The following PDZD2 variants were observed in gnomAD, a reference collection of about 807,000 sequenced individuals.
PDZD2 encodes PDZ domain-containing protein 2.
PDZD2 carries 90 observed loss-of-function variants against 220.7 expected under a neutral mutation model. The ratio of observed to expected loss-of-function variants is 0.41; its 90% CI spans 0.34 to 0.49. The LOEUF (loss-of-function observed/expected upper bound fraction) is 0.49, where lower values mean the gene tolerates loss of function less well. Ranked by LOEUF, PDZD2 falls within the 20% of genes least tolerant of loss-of-function variation. The pLI is 0.28. For missense variants in PDZD2, 3,174 were observed against 3,608.5 expected (o/e 0.88, Z 3.08); for synonymous variants, 1,375 against 1,450.5 (o/e 0.95, Z 1.18).
intron 2 of PDZD2, among the ~76,000 whole-genome samples, chr5:31,949,208 A>G (rs1746954039): frequency 6.6e-6 from 1 of 151,830 alleles, no homozygotes; most frequent in African/African-American, 2.4e-5. Context: ...GAAGGAAGAT[A>G]GAGAATCTCA....
intron 2 of PDZD2, among the ~76,000 whole-genome samples, chr5:31,835,633 G>A (rs1054108058): frequency 1.4e-5 from 2 of 143,616 alleles, no homozygotes; most frequent in Non-Finnish European, 3.1e-5. Context: ...AAAAAAAAAT[G>A]TATCTTTTAG....
At chr5:31,737,229 G>T (rs573029022) in intron 1 of PDZD2, among the ~76,000 whole-genome samples, 2 of 129,206 alleles carry the variant, frequency 1.5e-5, no homozygotes, top group African/African-American at 3.0e-5. Flanking sequence ...CTGGAGTGCA[G>T]TGGCGCCATC....
chr5:31,765,393 T>C (rs10056630), intron 1 of PDZD2, among the ~76,000 whole-genome samples: 1,568 of 152,280 alleles, frequency 0.01, 32 homozygotes, highest in African/African-American at 0.036. Flanking sequence ...AAGCTACCAT[T>C]GGGAAAGGAC....
Position 31,882,998 on chromosome 5 carries a change from C to G in PDZD2, c.476+83274C>G, listed in dbSNP as rs1396106116. Among the ~76,000 whole-genome samples, 3 of 126,568 alleles carry G rather than the reference C, an allele frequency of 2.4e-5. No individual in the cohort carries two copies. In the East Asian group the frequency reaches 7.1e-4, roughly 30 times the overall value. 83.0% of individuals were successfully genotyped at this position (126,568 alleles called of 152,430 possible). A position where few individuals can be genotyped will look rare whatever the true frequency, so the allele number is the denominator to read the frequency against. On this transcript the variant is annotated intron_variant, in intron 2 of 24. Transcript: ENST00000438447. Reference sequence around the variant, plus strand: ...TGAGCCAAGATCCTGCCACTGCATTCCATCCTGGGTGACAGACTCTGTCTC... The same window carrying G: ...TGAGCCAAGATCCTGCCACTGCATTGCATCCTGGGTGACAGACTCTGTCTC...
intron 8 of PDZD2, among the ~76,000 whole-genome samples, chr5:32,049,534 G>T (rs900413126): frequency 6.6e-6 from 1 of 152,204 alleles, no homozygotes. Flanking sequence ...CTTACTTTTG[G>T]TGTGTTATGA....
chr5:32,005,307 A>T (rs1416742831), intron 5 of PDZD2, among the ~76,000 whole-genome samples: 6 of 152,328 alleles, frequency 3.9e-5, no homozygotes, highest in East Asian at 3.9e-4. Flanking sequence ...TTTCTTGTGG[A>T]GAGGATGCCT....
rs186914286 is a variant in PDZD2 at position 32,070,044 on chromosome 5, C to T, written c.2533+394C>T. On this transcript the variant is annotated intron_variant, in intron 15 of 24. Coordinates refer to ENST00000438447, the MANE Select transcript of PDZD2 (RefSeq NM_178140.4). ...TTTCTTTACATGAATTAAAAAGTTT[C>T]CATTCAAAAGGGTAATAGAGGTAGC... 9.8e-4 allele frequency among the ~76,000 whole-genome samples: 149 copies of T among 152,214 alleles called. 1 individual carries two copies. The highest frequency in any genetic ancestry group is 1.7e-3 in the Admixed American group (26 of 15,286).
intron 2 of PDZD2, among the ~76,000 whole-genome samples, chr5:31,955,891 T>C (rs1437069631): frequency 1.3e-5 from 2 of 152,152 alleles, no homozygotes; most frequent in Non-Finnish European, 2.9e-5. Context: ...CTTTGACCCA[T>C]TGATTGTTCA....
At chr5:31,698,424 T>C (rs1036800688) in intron 1 of PDZD2, among the ~76,000 whole-genome samples, 1 of 130,570 alleles carries the variant, frequency 7.7e-6, no homozygotes, top group Non-Finnish European at 1.6e-5. Context: ...TGAAACCCCA[T>C]CTCTACTAAA....
At chr5:31,980,492 A>T (rs1750207121) in intron 2 of PDZD2, among the ~76,000 whole-genome samples, 1 of 152,226 alleles carries the variant, frequency 6.6e-6, no homozygotes. Context: ...CCATTGTTTT[A>T]ATGTTAGGTC....
chr5:32,018,893 G>A (rs1396423378), intron 6 of PDZD2, among the ~76,000 whole-genome samples: 2 of 152,204 alleles, frequency 1.3e-5, no homozygotes, highest in Non-Finnish European at 2.9e-5. Context: ...TTACATTTGG[G>A]GGTGGTTTTT....
intron 1 of PDZD2, chr5:31,725,483 GA>G: frequency 8.2e-7 from 1 of 1,224,362 alleles, no homozygotes; most frequent in African/African-American, 1.5e-5. Flanking sequence ...ATAAAACTAT[GA>G]GTAAATGAAT....
intron 8 of PDZD2, chr5:32,052,387 C>T (rs1164867831): frequency 2.4e-6 from 1 of 418,634 alleles, no homozygotes; most frequent in African/African-American, 2.0e-5. Flanking sequence ...CTCAGGTGAC[C>T]CACCTGCCTT....
At chr5:32,034,639 A>C (rs932506527) in intron 6 of PDZD2, among the ~76,000 whole-genome samples, 7 of 152,110 alleles carry the variant, frequency 4.6e-5, no homozygotes, top group East Asian at 1.9e-4. Context: ...TACAGACGTG[A>C]GCCATCACGC....
chr5:31,968,306 C>T (rs12109878), intron 2 of PDZD2, among the ~76,000 whole-genome samples: 13,533 of 152,080 alleles, frequency 0.089, 708 homozygotes, highest in Middle Eastern at 0.13. Context: ...TGCAGTGAGC[C>T]GAGATCGCAC....
intron 6 of PDZD2, among the ~76,000 whole-genome samples, chr5:32,033,494 C>G (rs948746435): frequency 6.6e-6 from 1 of 152,180 alleles, no homozygotes; most frequent in African/African-American, 2.4e-5. Flanking sequence ...TCAGTGGGTT[C>G]TGAAATAAGA....
intron 2 of PDZD2, among the ~76,000 whole-genome samples, chr5:31,941,713 A>G (rs992718308): frequency 6.6e-6 from 1 of 152,216 alleles, no homozygotes; most frequent in Admixed American, 6.5e-5. Context: ...TGCTGTTTTC[A>G]TACTGCTGAG....
intron 1 of PDZD2, among the ~76,000 whole-genome samples, chr5:31,658,728 T>C (rs1285799780): frequency 6.6e-6 from 1 of 152,082 alleles, no homozygotes; most frequent in Admixed American, 6.6e-5. Context: ...CAAGCGATTC[T>C]CCTGTCCCAG....
chr5:31,986,069 CTT>C (rs1750690353), intron 3 of PDZD2, among the ~76,000 whole-genome samples: 1 of 95,548 alleles, frequency 1.0e-5, no homozygotes, highest in Non-Finnish European at 2.0e-5. Context: ...GAGCGAAACT[CTT>C]GTCTCAAAAA....
Sources: allele counts gnomAD v4.1 joint callset (sites outside exome capture counted in the v4.1 genomes callset), GRCh38; gene constraint gnomAD v4.1.1; transcripts MANE v1.5; gene names NCBI Gene and HGNC (gene_info 2026-07-23, HGNC 2026-07-21).